Variants in COL22A1 observed in about 807,000 individuals in gnomAD.
COL22A1 encodes the protein collagen alpha-1(XXII) chain.
COL22A1 carries 221 observed loss-of-function variants against 248.9 expected under a neutral mutation model. That is an observed-to-expected ratio of 0.89 (90% CI 0.80 to 0.99). The LOEUF is 0.99. Among genes scored for constraint, COL22A1 ranks in the 50% least tolerant of loss-of-function variants. The probability of loss-of-function intolerance (pLI) is 0.00; values close to 1 mark genes in which losing one functional copy is unlikely to be tolerated. For missense variants in COL22A1, 2,240 were observed against 2,179.0 expected, an observed-to-expected ratio of 1.03 and a Z score of -0.56; for synonymous variants, 891 against 793.4, an observed-to-expected ratio of 1.12 and a Z score of -2.07.
At chr8:138,912,300 T>A (rs1301255596) in intron 1 of COL22A1, among the ~76,000 whole-genome samples, 2 of 152,158 alleles carry the variant, frequency 1.3e-5, no homozygotes, top group Non-Finnish European at 2.9e-5. Context: ...CTAACAAAAA[T>A]GAAGCCCTGC....
intron 25 of COL22A1, 52 bp downstream of exon 25, chr8:138,724,563 G>C: frequency 2.6e-6 from 4 of 1,546,994 alleles, no homozygotes; most frequent in East Asian, 2.3e-5. Flanking sequence ...GCTCCCCCCA[G>C]AGCAATGGGG....
chr8:138,870,543 CTGTG>C (rs1424088910), intron 3 of COL22A1, among the ~76,000 whole-genome samples: 5 of 150,258 alleles, frequency 3.3e-5, no homozygotes, highest in African/African-American at 4.9e-5. Flanking sequence ...TAGATATAGA[CTGTG>C]TGTATGTGGT....
intron 5 of COL22A1, among the ~76,000 whole-genome samples, chr8:138,831,675 G>A (rs1185086681): frequency 1.3e-5 from 2 of 152,176 alleles, no homozygotes; most frequent in East Asian, 3.9e-4. Flanking sequence ...ACAGAGACAG[G>A]AGGTAGACAG....
intron 3 of COL22A1, among the ~76,000 whole-genome samples, chr8:138,846,361 G>A (rs1181744854): frequency 2.0e-5 from 3 of 152,228 alleles, no homozygotes; most frequent in Non-Finnish European, 4.4e-5. Flanking sequence ...GGACCTCAGA[G>A]TAGGCTGCTC....
rs538034885 is a variant in COL22A1, at chr8:138,649,604, G to A, written c.3447+61C>T. The stretch of plus-strand genomic sequence containing the variant: ...TCAGAGGCAGATGGGGCAATACTGA[G>A]ATCTCCAGAATGATATTTTCATTGT... On this transcript the variant is annotated intron_variant, in intron 46 of 64. Transcript: ENST00000303045. 380 of 1,563,376 alleles carry A rather than the reference G, an allele frequency of 2.4e-4. No homozygotes were observed. The African/African-American group carries it at 4.4e-3, about 18-fold the overall frequency.
chr8:138,735,528 G>C (rs1361967782), intron 23 of COL22A1, among the ~76,000 whole-genome samples: 1 of 152,084 alleles, frequency 6.6e-6, no homozygotes. Flanking sequence ...AGTTGTAGGG[G>C]GAAAAATTAT....
At chr8:138,634,686 G>C (rs531760354) in intron 49 of COL22A1, among the ~76,000 whole-genome samples, 2 of 152,038 alleles carry the variant, frequency 1.3e-5, no homozygotes, top group African/African-American at 4.8e-5. Flanking sequence ...TACCTTCTTT[G>C]CTTGCCATCA....
At position 138,878,288 on chromosome 8, in the gene COL22A1, G is replaced by A. The variant is rs147953143; in HGVS notation, c.120C>T (p.Val40=). The part of the protein sequence containing the change: ...AGCKSVHYDL[V]FLLDTSSSVG... ...CGCTGGAGGAGGTGTCCAGGAGGAAGACCAGATCGTAGTGGACACTTTTGC... is the reference window on the plus strand; with the variant it reads ...CGCTGGAGGAGGTGTCCAGGAGGAAAACCAGATCGTAGTGGACACTTTTGC... The change falls in exon 3 of 65, where the codon GTC becomes GTT. Residue 40 remains valine, a synonymous_variant. Transcript: ENST00000303045. 4.5e-4 allele frequency: 712 copies of A among 1,570,152 alleles called. No homozygotes were observed. The highest frequency in any genetic ancestry group is 8.5e-4 in the Middle Eastern group (5 of 5,912).
intron 10 of COL22A1, 77 bp downstream of exon 10, chr8:138,807,691 A>G (rs1179953440): frequency 7.3e-7 from 1 of 1,369,666 alleles, no homozygotes; most frequent in East Asian, 2.3e-5. Context: ...CCCACACACC[A>G]TCTTTTGTCT....
intron 30 of COL22A1, among the ~76,000 whole-genome samples, chr8:138,707,548 T>C (rs1828575679): frequency 6.6e-6 from 1 of 152,186 alleles, no homozygotes; most frequent in Non-Finnish European, 1.5e-5. Flanking sequence ...CATGATTATG[T>C]CAATAGATGC....
chr8:138,903,134 C>T (rs1166497027), intron 1 of COL22A1, among the ~76,000 whole-genome samples: 1 of 152,158 alleles, frequency 6.6e-6, no homozygotes, highest in Admixed American at 6.5e-5. Flanking sequence ...AACCCTACAG[C>T]AAATATGGAG....
intron 56 of COL22A1, 52 bp from the exon 57 acceptor site, chr8:138,608,041 C>G (rs372290135): frequency 3.9e-6 from 6 of 1,558,098 alleles, no homozygotes; most frequent in Non-Finnish European, 5.3e-6. Context: ...AAGAGCAGGA[C>G]GGTGGAACAA....
chr8:138,640,809 C>A (rs1369393551), intron 47 of COL22A1, among the ~76,000 whole-genome samples: 4 of 152,082 alleles, frequency 2.6e-5, no homozygotes, highest in African/African-American at 9.7e-5. Context: ...AGATGAGGGA[C>A]CCAAGGTACC....
At chr8:138,793,207 G>A (rs909263041) in intron 12 of COL22A1, among the ~76,000 whole-genome samples, 2 of 152,156 alleles carry the variant, frequency 1.3e-5, no homozygotes, top group Non-Finnish European at 2.9e-5. Context: ...AATTACTTTG[G>A]AGACAACGGT....
intron 58 of COL22A1, among the ~76,000 whole-genome samples, chr8:138,605,657 T>G (rs145615663): frequency 3.9e-5 from 6 of 152,252 alleles, no homozygotes; most frequent in Non-Finnish European, 8.8e-5. Context: ...TACTCTGGTA[T>G]GTTACATGCA....
At chr8:138,859,864 C>A (rs972461024) in intron 3 of COL22A1, among the ~76,000 whole-genome samples, 2 of 149,376 alleles carry the variant, frequency 1.3e-5, no homozygotes, top group African/African-American at 4.9e-5. Flanking sequence ...CCATGCCCAT[C>A]CCCGCACCTT....
chr8:138,612,738 C>T (rs1045045668), intron 56 of COL22A1, among the ~76,000 whole-genome samples: 2 of 151,420 alleles, frequency 1.3e-5, no homozygotes, highest in African/African-American at 4.9e-5. Flanking sequence ...ACCAGCCTGG[C>T]CAACGTGGCA....
At chr8:138,609,706 C>G (rs1442453206) in intron 56 of COL22A1, among the ~76,000 whole-genome samples, 1 of 152,150 alleles carries the variant, frequency 6.6e-6, no homozygotes, top group Non-Finnish European at 1.5e-5. Context: ...ATCTTCCCTT[C>G]GCAGGGAGGA....
intron 3 of COL22A1, among the ~76,000 whole-genome samples, chr8:138,872,749 C>T (rs1260754268): frequency 2.0e-5 from 3 of 152,320 alleles, no homozygotes; most frequent in East Asian, 1.9e-4. Flanking sequence ...GGGCACTTCC[C>T]TGAATGTGTC....
Sources: allele counts gnomAD v4.1 joint callset (sites outside exome capture counted in the v4.1 genomes callset), GRCh38; gene constraint gnomAD v4.1.1; transcripts MANE v1.5; gene names NCBI Gene and HGNC (gene_info 2026-07-23, HGNC 2026-07-21).